TPD52: variants seen among roughly 807,000 people sequenced by gnomAD.
TPD52 encodes prostate and colon associated protein.
TPD52 carries 17 observed loss-of-function variants against 31.3 expected under a neutral mutation model. The observed-to-expected ratio is 0.54, with a 90% confidence interval of 0.37 to 0.82. The LOEUF (loss-of-function observed/expected upper bound fraction) is 0.82. Among genes scored for constraint, TPD52 ranks in the 40% least tolerant of loss-of-function variants. TPD52 has a pLI of 0.00. For synonymous variants in TPD52, 83 were observed against 89.6 expected, an observed-to-expected ratio of 0.93 and a Z score of 0.42; for missense variants, 212 against 240.1, an observed-to-expected ratio of 0.88 and a Z score of 0.77.
chr8:80,102,438 C>T (rs918051599), intron 1 of TPD52, among the ~76,000 whole-genome samples: 2 of 152,170 alleles, frequency 1.3e-5, no homozygotes, highest in Admixed American at 1.3e-4. Context: ...AGTGACATAT[C>T]ATTTCTGCTA....
chr8:80,168,976 G>A (rs1010072392), intron 1 of TPD52, among the ~76,000 whole-genome samples: 1 of 152,030 alleles, frequency 6.6e-6, no homozygotes, highest in Non-Finnish European at 1.5e-5. Flanking sequence ...TGGCCAGGTG[G>A]TTTTGTTTTG....
chr8:80,083,405 T>C (rs1355343855), intron 1 of TPD52, among the ~76,000 whole-genome samples: 2 of 152,128 alleles, frequency 1.3e-5, no homozygotes, highest in African/African-American at 4.8e-5. Context: ...TAAATTGTAA[T>C]AACACCCACA....
At chr8:80,108,669 C>T (rs1026983019) in intron 1 of TPD52, among the ~76,000 whole-genome samples, 16 of 152,106 alleles carry the variant, frequency 1.1e-4, no homozygotes, top group African/African-American at 3.4e-4. Flanking sequence ...ATTCTCAGAA[C>T]GCTAATAAAG....
At position 80,038,099 on chromosome 8, in the gene TPD52, G is replaced by C. The variant is rs1415444758; in HGVS notation, c.*17C>G. 3 of 1,613,432 alleles carry C rather than the reference G, an allele frequency of 1.9e-6. No homozygotes were observed. Among genetic ancestry groups the C allele is most frequent in the Admixed American group, 1.7e-5 (1 of 59,994 alleles). On this transcript the variant is annotated 3_prime_UTR_variant, in exon 8 of 8. Transcript: ENST00000518937. ...TTGCAGCATCTGGCAGTGGGTAGCA[G>C]AACAAAGGTAGGAATCTCACAGGCT...
chr8:80,046,275 C>T (rs1810839748), intron 5 of TPD52, among the ~76,000 whole-genome samples: 1 of 152,126 alleles, frequency 6.6e-6, no homozygotes, highest in Non-Finnish European at 1.5e-5. Flanking sequence ...ACCCATTAAA[C>T]AGAATAAAAT....
At chr8:80,073,207 T>TA (rs1416868344) in intron 1 of TPD52, among the ~76,000 whole-genome samples, 1 of 152,226 alleles carries the variant, frequency 6.6e-6, no homozygotes, top group Non-Finnish European at 1.5e-5. Flanking sequence ...AATTTTTTAT[T>TA]ATGGTAGAAT....
At chr8:80,073,789 G>C (rs550825531) in intron 1 of TPD52, among the ~76,000 whole-genome samples, 78 of 152,150 alleles carry the variant, frequency 5.1e-4, no homozygotes, top group Non-Finnish European at 7.1e-4. Flanking sequence ...ATTTAAAGCA[G>C]ATGTGAAATG....
chr8:80,133,988 T>C (rs1222830485), intron 1 of TPD52, among the ~76,000 whole-genome samples: 1 of 152,158 alleles, frequency 6.6e-6, no homozygotes, highest in Non-Finnish European at 1.5e-5. Context: ...CATCCAAATA[T>C]AGAAAATAAC....
intron 1 of TPD52, among the ~76,000 whole-genome samples, chr8:80,094,978 T>C (rs1586287343): frequency 6.6e-6 from 1 of 152,226 alleles, no homozygotes; most frequent in East Asian, 1.9e-4. Flanking sequence ...GGAGAGATGC[T>C]GGGACCAAGA....
intron 1 of TPD52, among the ~76,000 whole-genome samples, chr8:80,072,983 A>G (rs1433388884): frequency 6.6e-6 from 1 of 151,926 alleles, no homozygotes; most frequent in Non-Finnish European, 1.5e-5. Flanking sequence ...GCACACCTGT[A>G]ATCCCATCTA....
intron 1 of TPD52, among the ~76,000 whole-genome samples, chr8:80,133,169 G>C (rs912971547): frequency 6.6e-6 from 1 of 152,150 alleles, no homozygotes; most frequent in Non-Finnish European, 1.5e-5. Context: ...AACTCATATA[G>C]TTGCTATTAA....
rs564871761 is a variant in TPD52 at position 80,125,834 on chromosome 8, C to T, written c.19+45591G>A. On this transcript the variant is annotated intron_variant, in intron 1 of 7. Coordinates refer to ENST00000518937, the MANE Select transcript of TPD52 (RefSeq NM_001025253.3). ...TAAACCTTGTCAGTCTCTAAGGTAA[C>T]GCAACAAAGTTGTACATAAAACCAC... Among the ~76,000 whole-genome samples the T allele has an allele frequency of 2.3e-3, 347 of 152,238 alleles. 1 individual carries two copies. The highest frequency in any genetic ancestry group is 6.8e-3 in the Middle Eastern group (2 of 292).
chr8:80,075,942 G>C (rs1027663856), intron 1 of TPD52, among the ~76,000 whole-genome samples: 7 of 152,120 alleles, frequency 4.6e-5, no homozygotes, highest in African/African-American at 1.7e-4. Flanking sequence ...AATCAAAAAG[G>C]GTAAAACAGA....
intron 1 of TPD52, among the ~76,000 whole-genome samples, chr8:80,135,612 C>T (rs1809334939): frequency 6.6e-6 from 1 of 151,486 alleles, no homozygotes; most frequent in South Asian, 2.1e-4. Context: ...TACCATTTGA[C>T]CCAGCCATCC....
chr8:80,153,720 A>G (rs980998697), intron 1 of TPD52, among the ~76,000 whole-genome samples: 42 of 152,178 alleles, frequency 2.8e-4, no homozygotes, highest in Admixed American at 2.7e-3. Context: ...GATAAACTCT[A>G]TGATCTTGGG....
intron 1 of TPD52, among the ~76,000 whole-genome samples, chr8:80,145,773 G>C (rs1054883613): frequency 1.3e-5 from 2 of 152,126 alleles, no homozygotes; most frequent in Non-Finnish European, 2.9e-5. Context: ...ATTTTCACTT[G>C]TCCGAGATGA....
At chr8:80,157,271 T>A (rs200252980) in intron 1 of TPD52, among the ~76,000 whole-genome samples, 1 of 145,012 alleles carries the variant, frequency 6.9e-6, no homozygotes, top group Non-Finnish European at 1.5e-5. Context: ...TCTTGAAGGC[T>A]AAAAAAAAAA....
downstream of TPD52, among the ~76,000 whole-genome samples, chr8:80,031,944 G>A (rs572778308): frequency 9.1e-4 from 138 of 152,222 alleles, no homozygotes; most frequent in Non-Finnish European, 1.5e-3. Flanking sequence ...CCTGAAGTCA[G>A]GAGTTCGAGA....
intron 1 of TPD52, among the ~76,000 whole-genome samples, chr8:80,138,949 C>T (rs931277614): frequency 6.6e-6 from 1 of 152,182 alleles, no homozygotes; most frequent in African/African-American, 2.4e-5. Context: ...GCAGCCCCTC[C>T]GACCCAGAGC....
Sources: allele counts gnomAD v4.1 joint callset (sites outside exome capture counted in the v4.1 genomes callset), GRCh38; gene constraint gnomAD v4.1.1; transcripts MANE v1.5; gene names NCBI Gene and HGNC (gene_info 2026-07-23, HGNC 2026-07-21).